The following LRRFIP2 variants were observed in gnomAD, a reference collection of about 807,000 sequenced individuals.
LRRFIP2 encodes the protein LRR binding FLII interacting protein 2.
A neutral mutation model predicts 125.9 loss-of-function variants in LRRFIP2; 109 were observed. The observed-to-expected ratio is 0.87, with a 90% CI of 0.74 to 1.01. LRRFIP2 has a LOEUF of 1.01. Ranked by LOEUF, LRRFIP2 falls within the 50% of genes least tolerant of loss-of-function variation. LRRFIP2 has a pLI of 0.00. For missense variants in LRRFIP2, 850 were observed against 862.3 expected (o/e 0.99, Z 0.18); for synonymous variants, 291 against 293.1 (o/e 0.99, Z 0.07).
chr3:37,127,023 G>T (rs1159990971), intron 4 of LRRFIP2, among the ~76,000 whole-genome samples: 1 of 152,110 alleles, frequency 6.6e-6, no homozygotes, highest in Non-Finnish European at 1.5e-5. Context: ...GTCTGCAGTA[G>T]AATTTAAGGC....
In LRRFIP2 at chr3:37,102,931, A is replaced by G. The variant is rs75968372; in HGVS notation, c.866T>C (p.Leu289Ser). The change falls in exon 15 of 28, where the codon TTG becomes TCG. Residue 289 changes from leucine to serine, a missense_variant. Leu to Ser is a moderately radical substitution (Grantham distance 145). Coordinates refer to ENST00000336686, the MANE Select transcript of LRRFIP2 (RefSeq NM_006309.4). Reference protein sequence around the residue: ...SEVDDISIPDLSSLDEKSDKQ... With the variant: ...SEVDDISIPDSSSLDEKSDKQ... ...CCCATGCAATACACTCACGCTGGAC[A>G]AATCTGGGATACTGATATCATCCAC... 9.1e-4 allele frequency: 1,413 copies of G among 1,558,856 alleles called. 10 individuals are homozygous for G. In the African/African-American group the frequency reaches 0.017, roughly 19 times the overall value.
intron 23 of LRRFIP2, chr3:37,064,262 A>G (rs1053449723): frequency 6.4e-6 from 1 of 155,800 alleles, no homozygotes. Flanking sequence ...AAAGTCCCCA[A>G]AAGCTAGTAG....
intron 18 of LRRFIP2, among the ~76,000 whole-genome samples, chr3:37,086,666 G>A (rs967645352): frequency 1.4e-4 from 22 of 152,086 alleles, no homozygotes; most frequent in Non-Finnish European, 2.8e-4. Flanking sequence ...CAGAATAGGC[G>A]AATCTACAGA....
intron 6 of LRRFIP2, among the ~76,000 whole-genome samples, chr3:37,117,054 GAC>G (rs749102640): frequency 2.0e-5 from 3 of 150,088 alleles, no homozygotes; most frequent in Non-Finnish European, 4.4e-5. Flanking sequence ...ACCATGGAGA[GAC>G]ACTTCCCCAA....
intron 20 of LRRFIP2, among the ~76,000 whole-genome samples, chr3:37,073,287 C>G (rs1464084155): frequency 6.6e-6 from 1 of 152,136 alleles, no homozygotes; most frequent in Non-Finnish European, 1.5e-5. Flanking sequence ...TCTTAGAGAA[C>G]AAGCAGTTTT....
In LRRFIP2 at chr3:37,060,930, C is replaced by T. The variant is rs1410250073; in HGVS notation, c.1750-2020G>A. Reference sequence around the variant, plus strand: ...ATATCTCCTCTTACGGTTTGGATGTCTGTCCCCTCCAAATCTCATGTTGAA... The same window carrying T: ...ATATCTCCTCTTACGGTTTGGATGTTTGTCCCCTCCAAATCTCATGTTGAA... On this transcript the variant is annotated intron_variant, in intron 24 of 27. Coordinates refer to ENST00000336686, the MANE Select transcript of LRRFIP2 (RefSeq NM_006309.4). This position sits in a 1 kb window ranked among gnomAD's most constrained non-coding sequence, Gnocchi z 4.1. Among the ~76,000 whole-genome samples, 1 of 151,846 alleles carries T rather than the reference C, an allele frequency of 6.6e-6. No homozygotes were observed. The highest frequency in any genetic ancestry group is 1.5e-5 in the Non-Finnish European group (1 of 67,940).
chr3:37,159,917 C>T lies in LRRFIP2; in HGVS notation c.-55-10879G>A, dbSNP rs1277601018. On this transcript the variant is annotated intron_variant, in intron 1 of 27. Coordinates refer to ENST00000336686, the MANE Select transcript of LRRFIP2 (RefSeq NM_006309.4). ...AAAATTAGCCAGGTATAGTGGCTCA[C>T]ACCTGTAGTCCCAGCTACTTGCAGG... Among the ~76,000 whole-genome samples, 2 of 142,386 alleles carry T rather than the reference C, an allele frequency of 1.4e-5. 1 individual carries two copies. The highest frequency in any genetic ancestry group is 7.6e-3 in the Middle Eastern group (2 of 264). The allele number at this position is 142,386 out of a possible 152,430, so 93.4% of individuals were successfully genotyped here. A position where few individuals can be genotyped will look rare whatever the true frequency, so the allele number is the denominator to read the frequency against.
intron 2 of LRRFIP2, chr3:37,134,726 A>G: frequency 1.3e-6 from 1 of 781,962 alleles, no homozygotes; most frequent in Non-Finnish European, 2.3e-6. Context: ...AATGTTCTGC[A>G]GGTCCAGTTG....
chr3:37,056,790 A>G (rs974621440), intron 25 of LRRFIP2, among the ~76,000 whole-genome samples: 2 of 152,180 alleles, frequency 1.3e-5, no homozygotes, highest in Non-Finnish European at 2.9e-5. Flanking sequence ...CCCAAAAGCC[A>G]TATCTGGTAG....
intron 23 of LRRFIP2, chr3:37,064,925 T>A (rs2089793406): frequency 6.6e-6 from 1 of 152,206 alleles, no homozygotes; most frequent in Admixed American, 6.5e-5. Flanking sequence ...ATTCTCCAGA[T>A]CTCTCTTGCT....
At chr3:37,054,935 G>A (rs1241362169) in intron 26 of LRRFIP2, 151 bp downstream of exon 26, 4 of 577,848 alleles carry the variant, frequency 6.9e-6, no homozygotes, top group Non-Finnish European at 1.2e-5. Context: ...AGGCTAAAAT[G>A]TCCCAACAAG....
chr3:37,153,388 A>ACAAT (rs1028000846), intron 1 of LRRFIP2, among the ~76,000 whole-genome samples: 1 of 152,146 alleles, frequency 6.6e-6, no homozygotes, highest in Non-Finnish European at 1.5e-5. Context: ...CCTATCTCAA[A>ACAAT]AAATAAATAA....
chr3:37,166,667 G>A (rs1371515568), intron 1 of LRRFIP2, among the ~76,000 whole-genome samples: 1 of 151,758 alleles, frequency 6.6e-6, no homozygotes, highest in African/African-American at 2.4e-5. Flanking sequence ...AGACCAGCCT[G>A]GACGTTGCTT....
At chr3:37,157,510 G>C (rs1220654679) in intron 1 of LRRFIP2, among the ~76,000 whole-genome samples, 1 of 151,822 alleles carries the variant, frequency 6.6e-6, no homozygotes, top group African/African-American at 2.4e-5. Flanking sequence ...AGGAAAACAA[G>C]GAAAGTAAAG....
intron 21 of LRRFIP2, among the ~76,000 whole-genome samples, chr3:37,071,829 T>TC (rs1356917313): frequency 6.6e-6 from 1 of 152,144 alleles, no homozygotes; most frequent in Admixed American, 6.5e-5. Context: ...AACAGAGAGC[T>TC]CAGCCAGGTG....
At chr3:37,093,372 C>CCT (rs1199412953) in intron 17 of LRRFIP2, 1 of 152,390 alleles carries the variant, frequency 6.6e-6, no homozygotes, top group African/African-American at 2.4e-5. Flanking sequence ...GTCAGTTACC[C>CCT]CTCTCTCCTT....
At chr3:37,136,575 A>G (rs9843008) in intron 2 of LRRFIP2, among the ~76,000 whole-genome samples, 2,622 of 152,232 alleles carry the variant, frequency 0.017, 81 homozygotes, top group African/African-American at 0.059. Flanking sequence ...GGAGCTTATA[A>G]CCTATTAATA....
intron 27 of LRRFIP2, 69 bp downstream of exon 27, chr3:37,054,341 TA>T (rs2086193826): frequency 7.8e-7 from 1 of 1,284,946 alleles, no homozygotes; most frequent in South Asian, 1.3e-5. Flanking sequence ...CTTACACAGC[TA>T]AGAATTATTT....
chr3:37,136,992 G>T (rs2095574686), intron 2 of LRRFIP2, among the ~76,000 whole-genome samples: 2 of 149,290 alleles, frequency 1.3e-5, no homozygotes, highest in African/African-American at 4.9e-5. Context: ...GGCGGGGACA[G>T]GCTCTCACTC....
Sources: gnomAD v4.1 joint callset for allele counts (sites outside exome capture counted in the v4.1 genomes callset) on GRCh38, gnomAD v4.1.1 for gene constraint, Gnocchi (gnomAD v3.1) non-coding constraint, MANE v1.5 for transcripts, NCBI Gene and HGNC (gene_info 2026-07-23, HGNC 2026-07-21) for gene names.